Variants in HLA-F observed in about 807,000 individuals in gnomAD.
The protein encoded by HLA-F is HLA class I histocompatibility antigen, alpha chain F.
Under a neutral mutation model 49.5 loss-of-function variants are expected in HLA-F, and 46 were observed. That is an observed-to-expected ratio of 0.93 (90% CI 0.73 to 1.19). HLA-F has a LOEUF of 1.19. HLA-F is among the 50% of genes most tolerant of loss of function. The pLI is 0.00. For synonymous variants in HLA-F, 203 were observed against 233.5 expected (o/e 0.87, Z 1.19); for missense variants, 496 against 579.6 (o/e 0.86, Z 1.48).
intron 3 of HLA-F, among the ~76,000 whole-genome samples, chr6:29,737,142 TC>T (rs1777169667): frequency 7.7e-6 from 1 of 130,424 alleles, no homozygotes; most frequent in South Asian, 2.6e-4. Context: ...GCAATTAACA[TC>T]ACAAAAAAGA....
intron 2 of HLA-F, 26 bp from the exon 3 acceptor site, chr6:29,724,147 C>T: frequency 6.2e-7 from 1 of 1,612,218 alleles, no homozygotes; most frequent in Middle Eastern, 1.7e-4. Context: ...GCTAGCTGGG[C>T]GGGGCTGACT....
downstream of HLA-F, chr6:29,727,912 C>T (rs575353650): frequency 1.2e-5 from 6 of 505,834 alleles, no homozygotes; most frequent in Admixed American, 1.2e-4. Context: ...CTTCTCCAGC[C>T]CCACTCTGCT....
At chr6:29,732,053 C>T (rs749266461), downstream of HLA-F, among the ~76,000 whole-genome samples, 7 of 152,322 alleles carry the variant, frequency 4.6e-5, no homozygotes, top group East Asian at 7.7e-4. Flanking sequence ...CAGCCTCAAC[C>T]TTCCAGGCTC....
intron 3 of HLA-F, among the ~76,000 whole-genome samples, chr6:29,737,569 TGCCAAA>T (rs1270410852): frequency 6.6e-6 from 1 of 152,212 alleles, no homozygotes; most frequent in African/African-American, 2.4e-5. Flanking sequence ...CTAGGTCAGC[TGCCAAA>T]CTTCTCCCTC....
chr6:29,725,683 C>T (rs1775973811), intron 5 of HLA-F, 120 bp downstream of exon 5: 2 of 842,650 alleles, frequency 2.4e-6, no homozygotes, highest in South Asian at 3.1e-5. Context: ...TGGGTCTACC[C>T]AGCCTGGGCC....
chr6:29,728,623 T>C (rs1776324098), downstream of HLA-F: 1 of 152,240 alleles, frequency 6.6e-6, no homozygotes, highest in Non-Finnish European at 1.5e-5. Flanking sequence ...AGGCAGAGTG[T>C]CCACCAATGT....
downstream of HLA-F, among the ~76,000 whole-genome samples, chr6:29,730,195 C>T (rs1463397524): frequency 6.6e-6 from 1 of 152,120 alleles, no homozygotes; most frequent in Non-Finnish European, 1.5e-5. Flanking sequence ...GATAAACGAC[C>T]CATGGTGCAC....
downstream of HLA-F, among the ~76,000 whole-genome samples, chr6:29,730,831 C>T (rs1267326126): frequency 6.6e-6 from 1 of 151,914 alleles, no homozygotes; most frequent in Admixed American, 6.6e-5. Flanking sequence ...CTACAAGCCC[C>T]TCATCATAGG....
Position 29,726,559 on chromosome 6 carries a change from ATGTGTGTG to A in HLA-F, c.1037-307_1037-300del, listed in dbSNP as rs9278276. The stretch of plus-strand genomic sequence containing the variant: ...ATATGTTTTTATAGCATGCACGTAA[ATGTGTGTG>A]TGTGTGTGTGTGTGTGAAGAGAAAG... On this transcript the variant is annotated intron_variant, in intron 6 of 6. Coordinates refer to ENST00000259951, the MANE Select transcript of HLA-F (RefSeq NM_001098479.2). 7.5e-5 allele frequency: 101 copies of A among 1,354,104 alleles called. 1 individual carries two copies. Among genetic ancestry groups the A allele is most frequent in the African/African-American group, 1.9e-4 (13 of 69,420 alleles). 83.9% of individuals were successfully genotyped at this position (1,354,104 alleles called of 1,614,324 possible). A position where few individuals can be genotyped will look rare whatever the true frequency, so the allele number is the denominator to read the frequency against.
chr6:29,726,554 C>G (rs1378316864), intron 6 of HLA-F: 1 of 1,460,432 alleles, frequency 6.8e-7, no homozygotes, highest in Non-Finnish European at 9.0e-7. Flanking sequence ...ATAGCATGCA[C>G]GTAAATGTGT....
rs968912807 is a variant in HLA-F, at chr6:29,724,959, G to C, written c.611-72G>C. ...CCCCAGGTGTCCTGTCCATTCTCAGGTTGGTCACATGGGTGCTGCTGGGGT... is the reference window on the plus strand; with the variant it reads ...CCCCAGGTGTCCTGTCCATTCTCAGCTTGGTCACATGGGTGCTGCTGGGGT... On this transcript the variant is annotated intron_variant, in intron 3 of 6. Coordinates refer to ENST00000259951, the MANE Select transcript of HLA-F (RefSeq NM_001098479.2). The C allele has an allele frequency of 2.6e-6, 4 of 1,541,896 alleles. No homozygotes were observed. In the African/African-American group the frequency reaches 4.1e-5, roughly 16 times the overall value.
At chr6:29,731,278 T>TAGATAGATAGATAGAC (rs1554229368), downstream of HLA-F, among the ~76,000 whole-genome samples, 3 of 151,042 alleles carry the variant, frequency 2.0e-5, no homozygotes. Flanking sequence ...GATAGATAGA[T>TAGATAGATAGATAGAC]AGACAAGAGG....
chr6:29,731,441 G>C (rs918645903), downstream of HLA-F, among the ~76,000 whole-genome samples: 20 of 150,556 alleles, frequency 1.3e-4, no homozygotes, highest in Admixed American at 1.3e-4. Flanking sequence ...GAGGATAAAG[G>C]GTTGACTGGT....
chr6:29,726,751 G>T (rs1020836467), intron 6 of HLA-F, 132 bp from the exon 7 acceptor site: 12 of 1,226,572 alleles, frequency 9.8e-6, no homozygotes, highest in African/African-American at 8.9e-5. Flanking sequence ...CTCTCCATCA[G>T]ACTGAATCAG....
intron 5 of HLA-F, 64 bp from the exon 6 acceptor site, chr6:29,725,947 T>C: frequency 6.4e-7 from 1 of 1,562,396 alleles, no homozygotes; most frequent in South Asian, 1.1e-5. Context: ...GACTAGGGGT[T>C]TGCTCTAGGA....
At chr6:29,723,553 G>T in intron 1 of HLA-F, 26 bp downstream of exon 1, 1 of 1,606,122 alleles carries the variant, frequency 6.2e-7, no homozygotes, top group Non-Finnish European at 8.5e-7. Context: ...AGAGAGAAAC[G>T]GCCTCTGTGG....
chr6:29,731,236 GATA>G (rs1218861559), downstream of HLA-F, among the ~76,000 whole-genome samples: 2,680 of 47,894 alleles, frequency 0.056, 60 homozygotes, highest in African/African-American at 0.1. Context: ...TGGATACATA[GATA>G]GATAGATAGA....
At chr6:29,731,247 A>G (rs1436139063), downstream of HLA-F, among the ~76,000 whole-genome samples, 41 of 151,624 alleles carry the variant, frequency 2.7e-4, no homozygotes, top group Middle Eastern at 3.4e-3. Flanking sequence ...ATAGATAGAT[A>G]GATAGATAGA....
downstream of HLA-F, chr6:29,728,242 C>A: frequency 2.7e-6 from 1 of 369,630 alleles, no homozygotes; most frequent in Non-Finnish European, 5.3e-6. Flanking sequence ...GTACAAGCTT[C>A]CTTGAACTGA....
Sources: allele counts gnomAD v4.1 joint callset (sites outside exome capture counted in the v4.1 genomes callset), GRCh38; gene constraint gnomAD v4.1.1; transcripts MANE v1.5; gene names NCBI Gene and HGNC (gene_info 2026-07-23, HGNC 2026-07-21).